EFCAB6: variants seen among roughly 807,000 people sequenced by gnomAD.
The protein encoded by EFCAB6 is EF-hand calcium binding domain 6.
A neutral mutation model predicts 169.8 loss-of-function variants in EFCAB6; 156 were observed. The observed-to-expected ratio is 0.92, with a 90% CI of 0.81 to 1.05. The LOEUF (loss-of-function observed/expected upper bound fraction) is 1.05. Ranked by LOEUF, EFCAB6 falls within the 50% of genes least tolerant of loss-of-function variation. The probability of loss-of-function intolerance (pLI) is 0.00; values close to 1 mark genes in which losing one functional copy is unlikely to be tolerated. For synonymous variants in EFCAB6, 698 were observed against 676.4 expected, an observed-to-expected ratio of 1.03 and a Z score of -0.50; for missense variants, 1,800 against 1,829.1, an observed-to-expected ratio of 0.98 and a Z score of 0.29.
chr22:43,657,452 CAACT>C (rs548797649), intron 17 of EFCAB6, among the ~76,000 whole-genome samples: 204 of 149,818 alleles, frequency 1.4e-3, no homozygotes, highest in African/African-American at 4.8e-3. Context: ...TAGAAAATCC[CAACT>C]GTTTTGGAAA....
intron 17 of EFCAB6, among the ~76,000 whole-genome samples, chr22:43,638,015 C>T (rs1040289619): frequency 5.3e-5 from 8 of 152,150 alleles, no homozygotes; most frequent in African/African-American, 1.9e-4. Flanking sequence ...TTCGTACTAT[C>T]CCCCAGGCCC....
At chr22:43,722,754 A>G (rs955833451) in intron 8 of EFCAB6, among the ~76,000 whole-genome samples, 17 of 152,230 alleles carry the variant, frequency 1.1e-4, no homozygotes, top group African/African-American at 4.1e-4. Context: ...ACATGCACTC[A>G]TATGTTCATT....
chr22:43,772,118 C>T (rs1019504932), intron 4 of EFCAB6, among the ~76,000 whole-genome samples: 1 of 152,208 alleles, frequency 6.6e-6, no homozygotes, highest in Non-Finnish European at 1.5e-5. Context: ...CCCAGCCACC[C>T]TGTCGTGGCC....
intron 8 of EFCAB6, among the ~76,000 whole-genome samples, chr22:43,726,032 C>T (rs1193117887): frequency 6.6e-6 from 1 of 152,060 alleles, no homozygotes; most frequent in South Asian, 2.1e-4. Flanking sequence ...TAAGCTAATG[C>T]TGCAGAAACA....
intron 21 of EFCAB6, among the ~76,000 whole-genome samples, chr22:43,615,429 T>C (rs2053622001): frequency 6.6e-6 from 1 of 152,206 alleles, no homozygotes; most frequent in Non-Finnish European, 1.5e-5. Flanking sequence ...AAAATGTATG[T>C]TTATATTGTA....
intron 24 of EFCAB6, among the ~76,000 whole-genome samples, chr22:43,582,936 T>C (rs2050824459): frequency 1.3e-5 from 2 of 152,190 alleles, no homozygotes; most frequent in South Asian, 4.1e-4. Context: ...AAAAGATTCA[T>C]AGATGCCCCA....
chr22:43,736,737 G>A (rs779907278), intron 6 of EFCAB6, among the ~76,000 whole-genome samples: 4 of 152,116 alleles, frequency 2.6e-5, no homozygotes, highest in Non-Finnish European at 5.9e-5. Context: ...ACACAGAGCT[G>A]TGTGATGGAA....
intron 4 of EFCAB6, among the ~76,000 whole-genome samples, chr22:43,770,126 G>A (rs930608050): frequency 6.6e-6 from 1 of 151,996 alleles, no homozygotes; most frequent in African/African-American, 2.4e-5. Flanking sequence ...CAAAGTGCTG[G>A]GACTACAGGC....
At chr22:43,590,862 C>G (rs1301781376) in intron 23 of EFCAB6, among the ~76,000 whole-genome samples, 1 of 151,798 alleles carries the variant, frequency 6.6e-6, no homozygotes, top group Non-Finnish European at 1.5e-5. Flanking sequence ...GACTGGAGAA[C>G]AGCCAGTGCC....
At chr22:43,680,399 T>C (rs760337477) in intron 12 of EFCAB6, among the ~76,000 whole-genome samples, 8 of 152,174 alleles carry the variant, frequency 5.3e-5, no homozygotes, top group Admixed American at 1.3e-4. Flanking sequence ...ACTTTGTTCT[T>C]CTTTTCCAAG....
In EFCAB6 at chr22:43,647,611, G is replaced by A. The variant is rs148816850; in HGVS notation, c.1984-12395C>T. Among the ~76,000 whole-genome samples, 268 of 152,304 alleles carry A rather than the reference G, an allele frequency of 1.8e-3. 1 individual carries two copies. The highest frequency in any genetic ancestry group is 6.4e-3 in the African/African-American group (266 of 41,564). ...AGTGAATGTAACCTTTAATGGAGCT[G>A]GGGTCTTTTCAGTTGGAATCAAGTT... On this transcript the variant is annotated intron_variant, in intron 17 of 31. Coordinates refer to ENST00000262726, the MANE Select transcript of EFCAB6 (RefSeq NM_022785.4).
intron 17 of EFCAB6, among the ~76,000 whole-genome samples, chr22:43,636,627 T>G (rs2055419136): frequency 6.7e-6 from 1 of 149,912 alleles, no homozygotes; most frequent in Admixed American, 6.6e-5. Flanking sequence ...TTTTTTTTTT[T>G]TGAGACAGAG....
chr22:43,555,188 C>A, intron 26 of EFCAB6, 92 bp from the exon 27 acceptor site: 1 of 1,366,468 alleles, frequency 7.3e-7, no homozygotes, highest in African/African-American at 1.4e-5. Context: ...TGCAGGGAGA[C>A]CCAGCGTGGT....
chr22:43,705,629 T>G (rs1424166907), intron 10 of EFCAB6, among the ~76,000 whole-genome samples: 1 of 151,990 alleles, frequency 6.6e-6, no homozygotes, highest in Non-Finnish European at 1.5e-5. Flanking sequence ...GAACAACCAA[T>G]AGATAATAAA....
intron 10 of EFCAB6, among the ~76,000 whole-genome samples, chr22:43,708,222 C>G (rs2059027843): frequency 1.3e-5 from 2 of 151,816 alleles, no homozygotes; most frequent in South Asian, 4.2e-4. Context: ...GCCTGGCCAA[C>G]ATGGCGAAAC....
intron 13 of EFCAB6, among the ~76,000 whole-genome samples, chr22:43,677,324 A>G (rs551508612): frequency 6.6e-6 from 1 of 152,328 alleles, no homozygotes; most frequent in East Asian, 1.9e-4. Context: ...AATGAGAACC[A>G]GAGTAGTCAC....
chr22:43,782,650 A>G (rs2061867035), intron 2 of EFCAB6, among the ~76,000 whole-genome samples: 1 of 152,180 alleles, frequency 6.6e-6, no homozygotes, highest in South Asian at 2.1e-4. Flanking sequence ...GGATTCTCTG[A>G]GCTTTTTTGA....
chr22:43,563,469 G>A (rs919131514), intron 26 of EFCAB6, among the ~76,000 whole-genome samples: 2 of 152,188 alleles, frequency 1.3e-5, no homozygotes, highest in Non-Finnish European at 2.9e-5. Flanking sequence ...GGAGGCTGAG[G>A]TGGGAGGATC....
chr22:43,597,024 G>A (rs963750922), intron 23 of EFCAB6, among the ~76,000 whole-genome samples: 1 of 152,146 alleles, frequency 6.6e-6, no homozygotes, highest in African/African-American at 2.4e-5. Flanking sequence ...TTAATAAATG[G>A]TGCTGGGAAA....
Sources: gnomAD v4.1 joint callset for allele counts (sites outside exome capture counted in the v4.1 genomes callset) on GRCh38, gnomAD v4.1.1 for gene constraint, MANE v1.5 for transcripts, NCBI Gene and HGNC (gene_info 2026-07-23, HGNC 2026-07-21) for gene names.